Variants in ZNF208 observed in about 807,000 individuals in gnomAD.
The protein encoded by ZNF208 is zinc finger protein 208.
ZNF208 carries 10 observed loss-of-function variants against 12.1 expected under a neutral mutation model. That is an observed-to-expected ratio of 0.83 (90% CI 0.51 to 1.40). The LOEUF (loss-of-function observed/expected upper bound fraction) is 1.40. ZNF208 is among the 40% of genes most tolerant of loss of function. ZNF208 has a pLI of 0.00. For synonymous variants in ZNF208, 497 were observed against 488.4 expected, an observed-to-expected ratio of 1.02 and a Z score of -0.23; for missense variants, 1,652 against 1,485.0, an observed-to-expected ratio of 1.11 and a Z score of -1.85.
intron 2 of ZNF208, among the ~76,000 whole-genome samples, chr19:21,987,611 G>A (rs572966787): frequency 6.6e-6 from 1 of 152,196 alleles, no homozygotes; most frequent in East Asian, 1.9e-4. Flanking sequence ...TGTGCTCAAG[G>A]AGAAAGATAC....
At chr19:22,008,572 A>G (rs538361864) in intron 1 of ZNF208, among the ~76,000 whole-genome samples, 2 of 149,758 alleles carry the variant, frequency 1.3e-5, no homozygotes, top group African/African-American at 4.9e-5. Context: ...TTGTCTTTGG[A>G]GTGCTATTTT....
intron 1 of ZNF208, among the ~76,000 whole-genome samples, chr19:22,003,076 G>T (rs1249194165): frequency 6.6e-6 from 1 of 152,140 alleles, no homozygotes; most frequent in Admixed American, 6.5e-5. Flanking sequence ...TTCAACAAAG[G>T]TGACAATAGG....
At chr19:21,987,064 C>A in intron 3 of ZNF208, 152 bp downstream of exon 3, 1 of 707,624 alleles carries the variant, frequency 1.4e-6, no homozygotes, top group Non-Finnish European at 2.2e-6. Flanking sequence ...GAAGATGCCC[C>A]TGTGTGAGAG....
At position 21,972,601 on chromosome 19, in the gene ZNF208, G is replaced by T; in HGVS notation, c.2433C>A (p.Gly811=). The change falls in exon 4 of 4, where the codon GGC becomes GGA. Residue 811 remains glycine, a synonymous_variant. Coordinates refer to ENST00000397126, the MANE Select transcript of ZNF208 (RefSeq NM_007153.3). ...GGGTTGAGACCTTACTAAAGGTTTT[G>T]CCACATTCTTCACATTTGTAGGGTT... The part of the protein sequence containing the change: ...DEKPYKCEEC[G]KTFSKVSTLT... The T allele has an allele frequency of 6.2e-7, 1 of 1,613,380 alleles. No homozygotes were observed. Among genetic ancestry groups the T allele is most frequent in the Non-Finnish European group, 8.5e-7 (1 of 1,179,860 alleles).
At chr19:21,942,191 C>T (rs568519173) in intron 4 of ZNF208, among the ~76,000 whole-genome samples, 1 of 152,152 alleles carries the variant, frequency 6.6e-6, no homozygotes, top group African/African-American at 2.4e-5. Flanking sequence ...AGACAATAGA[C>T]TTAAATAATT....
rs139726816 is a variant in ZNF208, at chr19:21,991,667, G to A, written c.4-2758C>T. 901 of 150,992 alleles carry A rather than the reference G, an allele frequency of 6.0e-3. 6 individuals are homozygous for A. The highest frequency in any genetic ancestry group is 8.4e-3 in the Non-Finnish European group (572 of 68,036). 9.4% of individuals were successfully genotyped at this position (150,992 alleles called of 1,614,324 possible). A position where few individuals can be genotyped will look rare whatever the true frequency, so the allele number is the denominator to read the frequency against. The stretch of plus-strand genomic sequence containing the variant: ...AGGCAGGAGAATCGCTTGAACCCGC[G>A]AGGCAGAGGTTGCGGTTAGCCGAGA... On this transcript the variant is annotated intron_variant, in intron 1 of 3. Coordinates refer to ENST00000397126, the MANE Select transcript of ZNF208 (RefSeq NM_007153.3).
chr19:22,005,903 G>T (rs533267141), intron 1 of ZNF208, among the ~76,000 whole-genome samples: 2 of 152,114 alleles, frequency 1.3e-5, no homozygotes, highest in Non-Finnish European at 2.9e-5. Flanking sequence ...CTTATGAAAA[G>T]AAAAACCCTT....
intron 4 of ZNF208, among the ~76,000 whole-genome samples, chr19:21,955,403 G>A (rs1397786936): frequency 6.6e-6 from 1 of 152,174 alleles, no homozygotes; most frequent in Non-Finnish European, 1.5e-5. Context: ...AGTTCTCCTG[G>A]ATAATATCCT....
downstream of ZNF208, among the ~76,000 whole-genome samples, chr19:21,963,729 T>TA (rs1402134757): frequency 2.6e-5 from 4 of 152,014 alleles, no homozygotes; most frequent in African/African-American, 9.7e-5. Flanking sequence ...CTGAAAAAAA[T>TA]AAGTCTTCTC....
chr19:21,973,266 A>G lies in ZNF208; in HGVS notation c.1768T>C (p.Phe590Leu). ...PYKCEECGKA[F>L]NQSAILIKHK... ...TTAATAAGAATTGCAGATTGGTTAA[A>G]AGCTTTGCCACATTCTTCACATTTG... is the stretch of plus-strand genomic sequence containing the variant. The change falls in exon 4 of 4, where the codon TTT (phenylalanine) becomes CTT (leucine). Residue 590 changes from phenylalanine (F) to leucine (L), a missense_variant. Phe to Leu is a conservative substitution (Grantham distance 22, BLOSUM62 0). This residue lies in a region of ZNF208 where 1,239 missense variants were observed against 1,086.2 expected (regional missense o/e 1.14). Coordinates refer to ENST00000397126, the MANE Select transcript of ZNF208 (RefSeq NM_007153.3). The G allele has an allele frequency of 6.2e-7, 1 of 1,612,678 alleles. No individual in the cohort carries two copies. Among genetic ancestry groups the G allele is most frequent in the Non-Finnish European group, 8.5e-7 (1 of 1,179,706 alleles).
chr19:22,002,843 A>G (rs963903400), intron 1 of ZNF208, among the ~76,000 whole-genome samples: 2 of 152,254 alleles, frequency 1.3e-5, no homozygotes, highest in African/African-American at 4.8e-5. Context: ...TAAAAGAACA[A>G]ACTATTTTAA....
At chr19:21,950,681 G>T (rs1207303860) in intron 4 of ZNF208, among the ~76,000 whole-genome samples, 1 of 151,950 alleles carries the variant, frequency 6.6e-6, no homozygotes, top group Non-Finnish European at 1.5e-5. Context: ...TTTTAGTAGA[G>T]ATGGGGTTTC....
At chr19:21,998,214 G>T (rs1420883567) in intron 1 of ZNF208, 1 of 149,616 alleles carries the variant, frequency 6.7e-6, no homozygotes, top group African/African-American at 2.5e-5. Flanking sequence ...GAGTGCAGTG[G>T]CGCGATCTCG....
At chr19:21,999,739 C>G (rs2145580217) in intron 1 of ZNF208, among the ~76,000 whole-genome samples, 1 of 151,814 alleles carries the variant, frequency 6.6e-6, no homozygotes, top group East Asian at 1.9e-4. Context: ...AAAGACAATT[C>G]TGAGTCAAAA....
rs775133359 is a variant in ZNF208 at position 21,972,143 on chromosome 19, T to C, written c.2891A>G (p.Lys964Arg). Residue 964 changes from lysine (K) to arginine (R), a missense_variant, in exon 4 of 4, where the codon AAG (lysine) becomes AGG (arginine). Lys to Arg is a conservative substitution (Grantham distance 26, BLOSUM62 2). Around this residue, in one of 3 missense-constraint regions of ZNF208, gnomAD observed 1,239 missense variants for 1,086.2 expected, o/e 1.14. Transcript: ENST00000397126. ...YKSSSTLSYH[K>R]KIHTEEKPYK... ...AGGTTTCTCTTCAGTATGAATTTTC[T>C]TATGATAACTAAGGGTTGAGGATGA... 26 of 1,610,870 alleles carry C rather than the reference T, an allele frequency of 1.6e-5. No individual in the cohort carries two copies. The highest frequency in any genetic ancestry group is 6.7e-5 in the Admixed American group (4 of 59,682).
At position 21,967,311 on chromosome 19, in the gene ZNF208, C is replaced by T. The variant is rs1970190015; in HGVS notation, c.*3880G>A. ...ACTTACTAAATAGGGAGTTAATTCC[C>T]CTTTTGTTTATTTCTGTTGGCTTTG... On this transcript the variant is annotated 3_prime_UTR_variant, in exon 4 of 4. Transcript: ENST00000397126. 2 of 151,990 alleles carry T rather than the reference C, an allele frequency of 1.3e-5. 1 individual carries two copies. The highest frequency in any genetic ancestry group is 4.1e-4 in the South Asian group (2 of 4,826). 9.4% of individuals were successfully genotyped at this position (151,990 alleles called of 1,614,324 possible).
chr19:21,957,928 G>A (rs570581756), intron 4 of ZNF208, among the ~76,000 whole-genome samples: 192 of 151,878 alleles, frequency 1.3e-3, no homozygotes, highest in African/African-American at 4.2e-3. Flanking sequence ...CTGGTGTGCT[G>A]CACCCATTAA....
chr19:21,948,187 A>G (rs899670305), intron 4 of ZNF208, among the ~76,000 whole-genome samples: 1 of 152,170 alleles, frequency 6.6e-6, no homozygotes, highest in Non-Finnish European at 1.5e-5. Flanking sequence ...GTGCATTCTG[A>G]AACACTGGAA....
downstream of ZNF208, chr19:21,965,632 A>G (rs777112091): frequency 6.6e-6 from 1 of 152,048 alleles, no homozygotes; most frequent in Non-Finnish European, 1.5e-5. Context: ...TGATGGAATG[A>G]GCATTTGCAG....
Sources: allele counts gnomAD v4.1 joint callset (sites outside exome capture counted in the v4.1 genomes callset), GRCh38; gene constraint gnomAD v4.1.1; regional missense constraint gnomAD v4.1.1; transcripts MANE v1.5; gene names NCBI Gene and HGNC (gene_info 2026-07-23, HGNC 2026-07-21).